Variants in RBFOX1 observed in about 807,000 individuals in gnomAD.
RBFOX1 encodes RNA binding fox-1 homolog 1, also known as RNA binding protein fox-1 homolog 1.
Under a neutral mutation model 57.7 loss-of-function variants are expected in RBFOX1, and 8 were observed. The observed-to-expected ratio is 0.14, with a 90% CI of 0.08 to 0.25. The LOEUF (loss-of-function observed/expected upper bound fraction) is 0.25, where lower values mean the gene tolerates loss of function less well. RBFOX1 is among the 10% of genes least tolerant of loss of function. The pLI is 1.00. For missense variants in RBFOX1, 611 were observed against 548.5 expected, an observed-to-expected ratio of 1.11 and a Z score of -1.14; for synonymous variants, 326 against 222.4, an observed-to-expected ratio of 1.47 and a Z score of -4.15.
At chr16:7,085,605 A>G (rs1206186284) in intron 4 of RBFOX1, among the ~76,000 whole-genome samples, 1 of 152,092 alleles carries the variant, frequency 6.6e-6, no homozygotes, top group Non-Finnish European at 1.5e-5. Context: ...GCAAAATTTT[A>G]AAGAGTAGGG....
rs555847130 is a variant in RBFOX1 at position 6,239,162 on chromosome 16, A to G, written c.-126-77833A>G. On this transcript the variant is annotated intron_variant, in intron 1 of 15. Coordinates refer to ENST00000550418, the MANE Select transcript of RBFOX1 (RefSeq NM_018723.4). ...TGTCCACCATCATGTCGCTTATTCA[A>G]TGATTGGAATAAATAACGGTATGAA... Among the ~76,000 whole-genome samples the G allele has an allele frequency of 3.3e-5, 5 of 152,264 alleles. No individual in the cohort carries two copies. The East Asian group carries it at 9.6e-4, about 29-fold the overall frequency.
intron 4 of RBFOX1, among the ~76,000 whole-genome samples, chr16:6,003,131 T>A (rs2060629699): frequency 6.6e-6 from 1 of 151,582 alleles, no homozygotes; most frequent in Non-Finnish European, 1.5e-5. Flanking sequence ...TACAAAAAAT[T>A]AGCTGGGCGT....
intron 3 of RBFOX1, among the ~76,000 whole-genome samples, chr16:6,766,583 C>G (rs535778617): frequency 2.0e-5 from 3 of 151,838 alleles, no homozygotes; most frequent in African/African-American, 7.2e-5. Context: ...AATGAGGTAC[C>G]TACTAGTCAC....
chr16:5,423,840 G>A (rs143888543), intron 1 of RBFOX1, among the ~76,000 whole-genome samples: 4 of 152,112 alleles, frequency 2.6e-5, no homozygotes, highest in Admixed American at 6.5e-5. Flanking sequence ...GTCTTCTCGA[G>A]CTCCAGTGGC....
chr16:7,563,736 G>C (rs756540561), intron 5 of RBFOX1, among the ~76,000 whole-genome samples: 1 of 152,104 alleles, frequency 6.6e-6, no homozygotes, highest in Non-Finnish European at 1.5e-5. Context: ...CCAAAGTGCT[G>C]GGATTACAGG....
At chr16:7,643,140 T>C (rs1317103356) in intron 11 of RBFOX1, among the ~76,000 whole-genome samples, 1 of 152,222 alleles carries the variant, frequency 6.6e-6, no homozygotes, top group Non-Finnish European at 1.5e-5. Context: ...CCACCAATTC[T>C]ACTGCCTTCG....
chr16:5,903,066 C>T (rs182568235), intron 4 of RBFOX1, among the ~76,000 whole-genome samples: 109 of 152,044 alleles, frequency 7.2e-4, no homozygotes, highest in Non-Finnish European at 1.1e-3. Flanking sequence ...TTGCCTGAGC[C>T]GACTTACTGT....
chr16:6,519,858 A>G (rs1409131015), intron 2 of RBFOX1, among the ~76,000 whole-genome samples: 1 of 152,204 alleles, frequency 6.6e-6, no homozygotes, highest in Non-Finnish European at 1.5e-5. Context: ...GCAAGATGAA[A>G]GGACTTAACC....
intron 3 of RBFOX1, among the ~76,000 whole-genome samples, chr16:5,794,357 C>A (rs1197044202): frequency 1.3e-5 from 2 of 152,038 alleles, no homozygotes; most frequent in African/African-American, 4.8e-5. Context: ...TCGTCCTCTT[C>A]CATCATTATT....
chr16:5,359,384 C>G (rs1239475131), intron 1 of RBFOX1, among the ~76,000 whole-genome samples: 2 of 152,200 alleles, frequency 1.3e-5, no homozygotes, highest in Admixed American at 1.3e-4. Flanking sequence ...TTCTGAGGAG[C>G]CTCCAAACTG....
At position 7,305,512 on chromosome 16, in the gene RBFOX1, T is replaced by G. The variant is rs150196115; in HGVS notation, c.28-212635T>G. 4.6e-5 allele frequency among the ~76,000 whole-genome samples: 7 copies of G among 152,314 alleles called. No homozygotes were observed. In the East Asian group the frequency reaches 1.4e-3, roughly 29 times the overall value. ...TGAAGGTTTACAGTGATTATACTCATTTTATCTGTTTTTCCACGGACTCAC... is the reference window on the plus strand; with the variant it reads ...TGAAGGTTTACAGTGATTATACTCAGTTTATCTGTTTTTCCACGGACTCAC... On this transcript the variant is annotated intron_variant, in intron 4 of 15. Coordinates refer to ENST00000550418, the MANE Select transcript of RBFOX1 (RefSeq NM_018723.4).
intron 3 of RBFOX1, among the ~76,000 whole-genome samples, chr16:6,992,459 C>G (rs745680103): frequency 6.6e-6 from 1 of 152,146 alleles, no homozygotes; most frequent in African/African-American, 2.4e-5. Flanking sequence ...CTCACGTGAT[C>G]TGCCTTGGCC....
intron 1 of RBFOX1, among the ~76,000 whole-genome samples, chr16:5,403,572 G>A (rs1290857342): frequency 1.3e-5 from 2 of 152,060 alleles, no homozygotes; most frequent in Non-Finnish European, 2.9e-5. Context: ...AGTCTCTCGA[G>A]TAGCTGGGAT....
At chr16:5,350,154 A>C (rs981581246) in intron 1 of RBFOX1, among the ~76,000 whole-genome samples, 1 of 152,146 alleles carries the variant, frequency 6.6e-6, no homozygotes, top group Admixed American at 6.5e-5. Flanking sequence ...TGCATAATGT[A>C]TGTGCTTGCT....
chr16:6,710,865 G>C (rs1025224037), intron 3 of RBFOX1, among the ~76,000 whole-genome samples: 2 of 152,190 alleles, frequency 1.3e-5, no homozygotes, highest in Non-Finnish European at 2.9e-5. Context: ...GGAGGAAAGG[G>C]ACAGGCTTCA....
chr16:6,962,474 G>C (rs957393801), intron 3 of RBFOX1, among the ~76,000 whole-genome samples: 3 of 152,084 alleles, frequency 2.0e-5, no homozygotes, highest in African/African-American at 7.2e-5. Flanking sequence ...AAGCAGCCTG[G>C]TTTAATATAG....
At chr16:5,673,264 C>T (rs2050069308) in intron 3 of RBFOX1, among the ~76,000 whole-genome samples, 1 of 151,970 alleles carries the variant, frequency 6.6e-6, no homozygotes, top group African/African-American at 2.4e-5. Flanking sequence ...AAGAAGCAAC[C>T]CACATTACAG....
chr16:6,565,719 T>G (rs112195584), intron 2 of RBFOX1, among the ~76,000 whole-genome samples: 1 of 150,962 alleles, frequency 6.6e-6, no homozygotes, highest in East Asian at 2.0e-4. Flanking sequence ...CCGCCCGCTT[T>G]GGCTTTCCAA....
intron 5 of RBFOX1, among the ~76,000 whole-genome samples, chr16:7,537,978 C>G (rs1451848123): frequency 6.6e-6 from 1 of 152,180 alleles, no homozygotes; most frequent in African/African-American, 2.4e-5. Flanking sequence ...TTATCAACAC[C>G]TACTGTGTGC....
Sources: allele counts gnomAD v4.1 joint callset (sites outside exome capture counted in the v4.1 genomes callset), GRCh38; gene constraint gnomAD v4.1.1; transcripts MANE v1.5; gene names NCBI Gene and HGNC (gene_info 2026-07-23, HGNC 2026-07-21).